ERBIN: variants seen among roughly 807,000 people sequenced by gnomAD.
The protein encoded by ERBIN is densin-180-like protein.
Under a neutral mutation model 158.4 loss-of-function variants are expected in ERBIN, and 60 were observed. The ratio of observed to expected loss-of-function variants is 0.38; its 90% CI spans 0.31 to 0.47. The LOEUF (loss-of-function observed/expected upper bound fraction) is 0.47. ERBIN is among the 20% of genes least tolerant of loss of function. The probability of loss-of-function intolerance (pLI) is 0.99; values close to 1 mark genes in which losing one functional copy is unlikely to be tolerated. For synonymous variants in ERBIN, 594 were observed against 557.2 expected (o/e 1.07, Z -0.93); for missense variants, 1,610 against 1,648.0 (o/e 0.98, Z 0.40).
intron 2 of ERBIN, among the ~76,000 whole-genome samples, chr5:65,989,345 C>T (rs1751612460): frequency 6.6e-6 from 1 of 152,210 alleles, no homozygotes; most frequent in Non-Finnish European, 1.5e-5. Context: ...TATACCACTT[C>T]CACTTGCAGG....
chr5:65,969,027 C>T (rs6891651), intron 1 of ERBIN, among the ~76,000 whole-genome samples: 6,113 of 152,086 alleles, frequency 0.04, 417 homozygotes, highest in African/African-American at 0.14. Flanking sequence ...TGCAATACCG[C>T]GTTTAAGGGC....
At chr5:66,014,578 C>A (rs1002674920) in intron 6 of ERBIN, 91 bp from the exon 7 acceptor site, 1 of 607,698 alleles carries the variant, frequency 1.6e-6, no homozygotes, top group South Asian at 2.3e-5. Flanking sequence ...TACACAATTA[C>A]ATTGCTTCCT....
intron 1 of ERBIN, among the ~76,000 whole-genome samples, chr5:65,937,765 G>T (rs251322): frequency 5.9e-5 from 9 of 152,118 alleles, no homozygotes; most frequent in South Asian, 4.1e-4. Flanking sequence ...AAAAATTAGC[G>T]GGGTGTGGTA....
At chr5:66,041,367 T>C (rs557973620) in intron 15 of ERBIN, among the ~76,000 whole-genome samples, 2 of 151,886 alleles carry the variant, frequency 1.3e-5, no homozygotes, top group Non-Finnish European at 2.9e-5. Flanking sequence ...TATAAAGTTG[T>C]AGTGTTGGGG....
At position 66,015,430 on chromosome 5, in the gene ERBIN, T is replaced by C. The variant is rs533460056; in HGVS notation, c.533+705T>C. 2.6e-5 allele frequency among the ~76,000 whole-genome samples: 4 copies of C among 152,184 alleles called. No individual in the cohort carries two copies. In the South Asian group the frequency reaches 8.3e-4, roughly 32 times the overall value. On this transcript the variant is annotated intron_variant, in intron 7 of 25. Transcript: ENST00000284037. ...ACAGCCACATACATTCATGTACATA[T>C]TGTCTGTGGCTACTTTTGCTTTACA...
intron 4 of ERBIN, among the ~76,000 whole-genome samples, chr5:65,999,211 A>G (rs1273363542): frequency 6.6e-6 from 1 of 152,068 alleles, no homozygotes; most frequent in Non-Finnish European, 1.5e-5. Flanking sequence ...CTAAAAATGC[A>G]AAAAATAAGC....
chr5:65,977,023 G>A (rs907702160), intron 1 of ERBIN, among the ~76,000 whole-genome samples: 1 of 152,192 alleles, frequency 6.6e-6, no homozygotes, highest in African/African-American at 2.4e-5. Flanking sequence ...TTCTCAATGA[G>A]CTGTTGGGTA....
intron 14 of ERBIN, among the ~76,000 whole-genome samples, chr5:66,030,415 A>G (rs1013538824): frequency 3.9e-5 from 6 of 151,980 alleles, no homozygotes; most frequent in Non-Finnish European, 7.4e-5. Flanking sequence ...ATTGAATAGT[A>G]TATGTTTAAA....
chr5:65,985,714 G>A (rs1288191303), intron 1 of ERBIN, among the ~76,000 whole-genome samples: 1 of 152,044 alleles, frequency 6.6e-6, no homozygotes, highest in Admixed American at 6.6e-5. Flanking sequence ...TCATATTCGG[G>A]TCCGGCAACT....
chr5:66,068,346 G>A (rs540192528), intron 21 of ERBIN, among the ~76,000 whole-genome samples: 111 of 151,768 alleles, frequency 7.3e-4, no homozygotes, highest in African/African-American at 2.5e-3. Context: ...AAAAATTTTT[G>A]AAGTGGTATT....
chr5:66,072,030 A>G (rs552300152), intron 21 of ERBIN, 139 bp from the exon 22 acceptor site: 1 of 725,262 alleles, frequency 1.4e-6, no homozygotes, highest in African/African-American at 1.8e-5. Context: ...GATGGCAGTA[A>G]TGATGGCAGT....
At position 66,082,273 on chromosome 5, in the gene ERBIN, G is replaced by C. The variant is rs940970590; in HGVS notation, c.*3743G>C. 6.6e-6 allele frequency: 1 copy of C among 152,118 alleles called. No individual in the cohort carries two copies. The highest frequency in any genetic ancestry group is 1.5e-5 in the Non-Finnish European group (1 of 68,014). The allele number at this position is 152,118 out of a possible 1,614,324, so 9.4% of individuals were successfully genotyped here. On this transcript the variant is annotated 3_prime_UTR_variant, in exon 26 of 26. Transcript: ENST00000284037. ...AGAGAACAACCTAGGTTTTATTGTAGAGAACAATCAAAATACTCCTGAACC... is the reference window on the plus strand; with the variant it reads ...AGAGAACAACCTAGGTTTTATTGTACAGAACAATCAAAATACTCCTGAACC...
At chr5:65,943,755 A>C (rs1176308003) in intron 1 of ERBIN, among the ~76,000 whole-genome samples, 1 of 152,234 alleles carries the variant, frequency 6.6e-6, no homozygotes, top group Non-Finnish European at 1.5e-5. Flanking sequence ...CACTGGTATT[A>C]AGTACATTCA....
chr5:66,044,271 TGAA>T lies in ERBIN; in HGVS notation c.1566_1568del (p.Glu522del), dbSNP rs751405639. 2 of 1,607,980 alleles carry T rather than the reference TGAA, an allele frequency of 1.2e-6. No individual in the cohort carries two copies. The highest frequency in any genetic ancestry group is 8.5e-7 in the Non-Finnish European group (1 of 1,178,370). The stretch of plus-strand genomic sequence containing the variant: ...ACTCAGGAAGAGATTTGAAACCACA[TGAA>T]GATCAACAAGATATAAATAAAGATG... On this transcript the variant is annotated inframe_deletion, in exon 17 of 26. Transcript: ENST00000284037.
chr5:66,034,852 C>G (rs1300541550), intron 14 of ERBIN, among the ~76,000 whole-genome samples: 2 of 152,058 alleles, frequency 1.3e-5, no homozygotes. Flanking sequence ...AAGAATAATG[C>G]AGCAAAGAGG....
chr5:66,002,307 A>G (rs889081829), intron 4 of ERBIN, among the ~76,000 whole-genome samples: 1 of 152,164 alleles, frequency 6.6e-6, no homozygotes, highest in African/African-American at 2.4e-5. Flanking sequence ...TAAAGTTATA[A>G]AAAGTTCTCT....
intron 1 of ERBIN, among the ~76,000 whole-genome samples, chr5:65,988,359 T>TGAGA (rs1340642805): frequency 1.3e-5 from 2 of 150,920 alleles, no homozygotes; most frequent in African/African-American, 4.9e-5. Flanking sequence ...GGTGACAGAG[T>TGAGA]GAGACCCAGT....
intron 1 of ERBIN, among the ~76,000 whole-genome samples, chr5:65,978,066 A>G (rs1750228697): frequency 6.6e-6 from 1 of 152,238 alleles, no homozygotes; most frequent in Non-Finnish European, 1.5e-5. Context: ...TTGTGAATAT[A>G]CATATTTGTG....
intron 14 of ERBIN, among the ~76,000 whole-genome samples, chr5:66,028,928 C>T (rs1756562926): frequency 6.6e-6 from 1 of 152,150 alleles, no homozygotes; most frequent in Non-Finnish European, 1.5e-5. Context: ...TTTCACTTAA[C>T]ATAATGTCCT....
Sources: allele counts gnomAD v4.1 joint callset (sites outside exome capture counted in the v4.1 genomes callset), GRCh38; gene constraint gnomAD v4.1.1; transcripts MANE v1.5; gene names NCBI Gene and HGNC (gene_info 2026-07-23, HGNC 2026-07-21).